ANKH: variants seen among roughly 807,000 people sequenced by gnomAD.
ANKH encodes the protein ANKH inorganic pyrophosphate transport regulator.
In ANKH, 15 loss-of-function variants were observed where a neutral mutation model predicts 49.0. The observed-to-expected ratio is 0.31, with a 90% CI of 0.20 to 0.47. The LOEUF (loss-of-function observed/expected upper bound fraction) is 0.47. ANKH is among the 20% of genes least tolerant of loss of function. The probability of loss-of-function intolerance (pLI) is 1.00; values close to 1 mark genes in which losing one functional copy is unlikely to be tolerated. For synonymous variants in ANKH, 273 were observed against 260.0 expected (o/e 1.05, Z -0.48); for missense variants, 429 against 652.0 (o/e 0.66, Z 3.72).
chr5:14,857,318 TATTTTAAAAAATG>T, intron 1 of ANKH, among the ~76,000 whole-genome samples: 1 of 152,318 alleles, frequency 6.6e-6, no homozygotes, highest in African/African-American at 2.4e-5. Flanking sequence ...AAAAGGTATT[TATTTTAAAAAATG>T]AAAGTCCAGA....
intron 1 of ANKH, among the ~76,000 whole-genome samples, chr5:14,809,993 G>A (rs1222088638): frequency 6.6e-6 from 1 of 152,138 alleles, no homozygotes; most frequent in Admixed American, 6.5e-5. Context: ...CACGGACTCT[G>A]TTTGTGTTCC....
intron 8 of ANKH, among the ~76,000 whole-genome samples, chr5:14,735,235 C>T (rs1166782255): frequency 6.6e-6 from 1 of 152,116 alleles, no homozygotes; most frequent in African/African-American, 2.4e-5. Flanking sequence ...ATATGTACAC[C>T]TACTAGGTAC....
intron 1 of ANKH, among the ~76,000 whole-genome samples, chr5:14,789,663 T>C (rs766182099): frequency 1.3e-5 from 2 of 152,210 alleles, no homozygotes; most frequent in Non-Finnish European, 2.9e-5. Flanking sequence ...TTTTTAAAAC[T>C]GTACTTTAAG....
At position 14,711,314 on chromosome 5, in the gene ANKH, G is replaced by A; in HGVS notation, c.1366-4C>T. On this transcript the variant is annotated splice_region_variant and splice_polypyrimidine_tract_variant and intron_variant, in intron 11 of 11. Transcript: ENST00000284268. ...ACTCATTCTCCATCTTCTTTTTCTA[G>A]ACCAAAGAAGACTCATCAGTGTGGG... 1 of 1,611,468 alleles carries A rather than the reference G, an allele frequency of 6.2e-7. No individual in the cohort carries two copies. Among genetic ancestry groups the A allele is most frequent in the Non-Finnish European group, 8.5e-7 (1 of 1,177,610 alleles).
At chr5:14,719,642 A>G (rs574549092) in intron 8 of ANKH, among the ~76,000 whole-genome samples, 2 of 152,366 alleles carry the variant, frequency 1.3e-5, no homozygotes, top group South Asian at 4.1e-4. Context: ...ACAATTATTA[A>G]GTCCAGGAAA....
intron 1 of ANKH, among the ~76,000 whole-genome samples, chr5:14,821,572 C>G (rs1741197234): frequency 6.6e-6 from 1 of 152,196 alleles, no homozygotes. Context: ...TTTGAAATGG[C>G]ATTAATGTAC....
chr5:14,734,774 A>G (rs1372236231), intron 8 of ANKH, among the ~76,000 whole-genome samples: 1 of 152,258 alleles, frequency 6.6e-6, no homozygotes, highest in Non-Finnish European at 1.5e-5. Context: ...TTGGCAGAAC[A>G]CGGGTGTGTA....
At chr5:14,867,384 C>A (rs1201397192) in intron 1 of ANKH, among the ~76,000 whole-genome samples, 1 of 152,098 alleles carries the variant, frequency 6.6e-6, no homozygotes, top group Non-Finnish European at 1.5e-5. Flanking sequence ...GAGATACAGG[C>A]ACATACTAGG....
intron 1 of ANKH, among the ~76,000 whole-genome samples, chr5:14,843,204 C>T (rs1741862624): frequency 7.0e-6 from 1 of 142,390 alleles, no homozygotes; most frequent in African/African-American, 2.6e-5. Flanking sequence ...TGAGAAGAGA[C>T]TCGTTCTGTT....
At chr5:14,850,095 C>A (rs1001011490) in intron 1 of ANKH, among the ~76,000 whole-genome samples, 4 of 152,136 alleles carry the variant, frequency 2.6e-5, no homozygotes, top group Admixed American at 2.6e-4. Context: ...CTCAACAAAC[C>A]CAAGAATAAT....
intron 1 of ANKH, among the ~76,000 whole-genome samples, chr5:14,792,465 T>G (rs969040413): frequency 6.6e-6 from 1 of 152,064 alleles, no homozygotes; most frequent in Non-Finnish European, 1.5e-5. Flanking sequence ...AGAACTAAGA[T>G]CTGTTTCTTG....
chr5:14,783,331 C>CA (rs1330744427), intron 1 of ANKH, among the ~76,000 whole-genome samples: 24 of 142,526 alleles, frequency 1.7e-4, no homozygotes, highest in Non-Finnish European at 3.4e-4. Context: ...CACACACACA[C>CA]CACACATGGA....
At chr5:14,822,376 CA>C (rs897866506) in intron 1 of ANKH, among the ~76,000 whole-genome samples, 10 of 152,160 alleles carry the variant, frequency 6.6e-5, no homozygotes, top group African/African-American at 2.4e-4. Flanking sequence ...ATGTGGCTCA[CA>C]TTACTTCTGT....
intron 1 of ANKH, among the ~76,000 whole-genome samples, chr5:14,771,814 G>A (rs867994123): frequency 2.0e-5 from 3 of 151,272 alleles, no homozygotes; most frequent in African/African-American, 4.9e-5. Context: ...CCAGCTACTC[G>A]GGAGGCTGAG....
At chr5:14,788,119 G>A (rs1740038384) in intron 1 of ANKH, 1 of 152,154 alleles carries the variant, frequency 6.6e-6, no homozygotes, top group African/African-American at 2.4e-5. Context: ...AGCTTACCAG[G>A]ACTATCAGTG....
intron 1 of ANKH, among the ~76,000 whole-genome samples, chr5:14,791,275 G>C (rs892751462): frequency 6.6e-6 from 1 of 152,164 alleles, no homozygotes; most frequent in African/African-American, 2.4e-5. Context: ...AGCTCAGTCT[G>C]AAAGAGGTGG....
In ANKH at chr5:14,801,014, C is replaced by T. The variant is rs552453995; in HGVS notation, c.97-31823G>A. ...GGGGTAGGCTTATAGGTGTGAGCTACCACACCCAGCCCAAACGTAACTTTT... is the reference window on the plus strand; with the variant it reads ...GGGGTAGGCTTATAGGTGTGAGCTATCACACCCAGCCCAAACGTAACTTTT... On this transcript the variant is annotated intron_variant, in intron 1 of 11. Coordinates refer to ENST00000284268, the MANE Select transcript of ANKH (RefSeq NM_054027.6). Among the ~76,000 whole-genome samples, 9 of 152,276 alleles carry T rather than the reference C, an allele frequency of 5.9e-5. No homozygotes were observed. The East Asian group carries it at 1.7e-3, about 29-fold the overall frequency.
At chr5:14,766,228 C>CA (rs34879940) in intron 2 of ANKH, among the ~76,000 whole-genome samples, 47,676 of 147,658 alleles carry the variant, frequency 0.32, 7,535 homozygotes, top group South Asian at 0.51. Context: ...CCTATCTCTA[C>CA]AAAAAAAAAA....
chr5:14,797,119 A>G, intron 1 of ANKH: 3 of 1,352,454 alleles, frequency 2.2e-6, no homozygotes, highest in Non-Finnish European at 3.1e-6. Context: ...AAGTAAAGAC[A>G]TATTTAGGAC....
Sources: allele counts gnomAD v4.1 joint callset (sites outside exome capture counted in the v4.1 genomes callset), GRCh38; gene constraint gnomAD v4.1.1; transcripts MANE v1.5; gene names NCBI Gene and HGNC (gene_info 2026-07-23, HGNC 2026-07-21).